Variants in PLPPR1 observed in about 807,000 individuals in gnomAD.
PLPPR1 encodes the protein phospholipid phosphatase-related protein type 1.
PLPPR1 carries 10 observed loss-of-function variants against 33.1 expected under a neutral mutation model. That is an observed-to-expected ratio of 0.30 (90% CI 0.19 to 0.51). The LOEUF (loss-of-function observed/expected upper bound fraction) is 0.51. Ranked by LOEUF, PLPPR1 falls within the 20% of genes least tolerant of loss-of-function variation. PLPPR1 has a pLI of 0.97. For missense variants in PLPPR1, 304 were observed against 408.1 expected (o/e 0.74, Z 2.20); for synonymous variants, 151 against 151.0 (o/e 1.00, Z 0.00).
At chr9:101,122,791 C>T (rs771327648) in intron 1 of PLPPR1, among the ~76,000 whole-genome samples, 1 of 152,204 alleles carries the variant, frequency 6.6e-6, no homozygotes, top group African/African-American at 2.4e-5. Flanking sequence ...GTACTTCCAT[C>T]TTCATTAACA....
chr9:101,309,403 G>A lies in PLPPR1; in HGVS notation c.578G>A (p.Arg193Gln), dbSNP rs1388171428. 2.5e-6 allele frequency: 4 copies of A among 1,613,768 alleles called. No individual in the cohort carries two copies. The highest frequency in any genetic ancestry group is 2.2e-5 in the South Asian group (2 of 91,072). ...TGDLEVIEKARRSFPSKHAAL... is the reference protein window; with the variant it reads ...TGDLEVIEKAQRSFPSKHAAL... Reference sequence around the variant, plus strand: ...GACCTGGAAGTGATAGAAAAGGCTCGGAGATCCTTTCCCTCCAAACACGCT... The same window carrying A: ...GACCTGGAAGTGATAGAAAAGGCTCAGAGATCCTTTCCCTCCAAACACGCT... The change falls in exon 5 of 8, where the codon CGG becomes CAG. Residue 193 changes from arginine (R) to glutamine (Q), a missense_variant. Transcript: ENST00000374874.
At chr9:101,186,010 A>G (rs1489448675) in intron 2 of PLPPR1, among the ~76,000 whole-genome samples, 1 of 151,792 alleles carries the variant, frequency 6.6e-6, no homozygotes, top group Admixed American at 6.6e-5. Context: ...ATAATCTTAG[A>G]GTTTACTATC....
At chr9:101,068,600 T>C (rs1345806768) in intron 1 of PLPPR1, among the ~76,000 whole-genome samples, 1 of 152,016 alleles carries the variant, frequency 6.6e-6, no homozygotes, top group Non-Finnish European at 1.5e-5. Context: ...AATGCTCTTA[T>C]TTTTCAAGGT....
At chr9:101,258,563 A>T (rs567702669) in intron 2 of PLPPR1, among the ~76,000 whole-genome samples, 1 of 152,294 alleles carries the variant, frequency 6.6e-6, no homozygotes, top group African/African-American at 2.4e-5. Context: ...GAGATCCTTG[A>T]TGGATTGCAT....
In PLPPR1 at chr9:101,117,580, A is replaced by T. The variant is rs182190527; in HGVS notation, c.-45-67870A>T. Among the ~76,000 whole-genome samples, 4 of 152,326 alleles carry T rather than the reference A, an allele frequency of 2.6e-5. No individual in the cohort carries two copies. In the East Asian group the frequency reaches 7.7e-4, roughly 29 times the overall value. On this transcript the variant is annotated intron_variant, in intron 1 of 7. Coordinates refer to ENST00000374874, the MANE Select transcript of PLPPR1 (RefSeq NM_207299.2). The stretch of plus-strand genomic sequence containing the variant: ...GAAATAACCATAAAAATGGGCAGCC[A>T]GCAGCCCATGCTGCTGCTCTGCCTA...
chr9:101,205,020 C>G lies in PLPPR1; in HGVS notation c.63+19463C>G, dbSNP rs73656186. On this transcript the variant is annotated intron_variant, in intron 2 of 7. Transcript: ENST00000374874. Reference sequence around the variant, plus strand: ...TTTTATTTTTGTACCCTTTAAGGTACTCATGTCTCAAAGTTTTAAGTCCCT... The same window carrying G: ...TTTTATTTTTGTACCCTTTAAGGTAGTCATGTCTCAAAGTTTTAAGTCCCT... Among the ~76,000 whole-genome samples the G allele has an allele frequency of 5.0e-3, 761 of 152,236 alleles. 10 individuals carry two copies. Among genetic ancestry groups the G allele is most frequent in the African/African-American group, 0.017 (726 of 41,524 alleles).
At chr9:101,136,866 A>C (rs1831384014) in intron 1 of PLPPR1, among the ~76,000 whole-genome samples, 1 of 152,208 alleles carries the variant, frequency 6.6e-6, no homozygotes, top group Non-Finnish European at 1.5e-5. Context: ...GGGTCTAAAA[A>C]TATAGTTACA....
At chr9:101,150,473 T>A (rs889665872) in intron 1 of PLPPR1, among the ~76,000 whole-genome samples, 4 of 152,218 alleles carry the variant, frequency 2.6e-5, no homozygotes, top group Admixed American at 2.6e-4. Flanking sequence ...AGAGAACAGT[T>A]AAATTGGAGC....
chr9:101,233,398 G>T (rs903500911), intron 2 of PLPPR1, among the ~76,000 whole-genome samples: 1 of 152,100 alleles, frequency 6.6e-6, no homozygotes, highest in Middle Eastern at 3.4e-3. Context: ...GAGCTCATCA[G>T]AAGGGTTGAT....
At chr9:101,226,616 T>C (rs1158086149) in intron 2 of PLPPR1, among the ~76,000 whole-genome samples, 1 of 152,028 alleles carries the variant, frequency 6.6e-6, no homozygotes, top group African/African-American at 2.4e-5. Context: ...GCTTGCTGGG[T>C]CTCTTTTATA....
chr9:101,233,575 G>T (rs1344099106), intron 2 of PLPPR1, among the ~76,000 whole-genome samples: 1 of 151,906 alleles, frequency 6.6e-6, no homozygotes, highest in Non-Finnish European at 1.5e-5. Flanking sequence ...GGCCATGAAG[G>T]CTCCACCTTC....
chr9:101,285,225 C>T (rs769063578), intron 3 of PLPPR1, among the ~76,000 whole-genome samples: 1 of 152,106 alleles, frequency 6.6e-6, no homozygotes, highest in Admixed American at 6.5e-5. Context: ...TTGTCTCTAC[C>T]AATTCCTTGT....
chr9:101,108,000 C>T (rs1232327106), intron 1 of PLPPR1, among the ~76,000 whole-genome samples: 1 of 149,306 alleles, frequency 6.7e-6, no homozygotes, highest in Non-Finnish European at 1.5e-5. Context: ...CCTCGCCCTG[C>T]TTCGGCTCGC....
At chr9:101,157,421 C>T (rs1234558714) in intron 1 of PLPPR1, among the ~76,000 whole-genome samples, 1 of 151,968 alleles carries the variant, frequency 6.6e-6, no homozygotes, top group Non-Finnish European at 1.5e-5. Flanking sequence ...TAAATATGTC[C>T]GGTTGGGTGG....
At chr9:101,169,102 T>C (rs1028031999) in intron 1 of PLPPR1, among the ~76,000 whole-genome samples, 2 of 152,188 alleles carry the variant, frequency 1.3e-5, no homozygotes, top group Non-Finnish European at 2.9e-5. Context: ...AACATATTCT[T>C]GGCCTATTTT....
intron 2 of PLPPR1, among the ~76,000 whole-genome samples, chr9:101,243,941 C>A (rs761390377): frequency 3.1e-4 from 47 of 151,618 alleles, no homozygotes; most frequent in Admixed American, 8.6e-4. Flanking sequence ...GATGGTAGAA[C>A]CCTGGAAAAC....
Position 101,053,287 on chromosome 9 carries a change from G to A in PLPPR1, c.-46+24185G>A, listed in dbSNP as rs574251923. On this transcript the variant is annotated intron_variant, in intron 1 of 7. Transcript: ENST00000374874. The stretch of plus-strand genomic sequence containing the variant: ...CCCGCTCACTTCCTTTCTTAATGTC[G>A]TCAAGCCCTCCATTACTTTACCTCC... Among the ~76,000 whole-genome samples, 8 of 152,148 alleles carry A rather than the reference G, an allele frequency of 5.3e-5. No homozygotes were observed. In the South Asian group the frequency reaches 6.2e-4, roughly 12 times the overall value.
intron 1 of PLPPR1, among the ~76,000 whole-genome samples, chr9:101,049,578 T>G (rs983035774): frequency 6.6e-6 from 1 of 152,172 alleles, no homozygotes; most frequent in Non-Finnish European, 1.5e-5. Context: ...TTGAGAAAAC[T>G]GAAGCAGACA....
rs146941051 is a variant in PLPPR1 at position 101,172,547 on chromosome 9, A to G, written c.-45-12903A>G. Among the ~76,000 whole-genome samples, 355 of 152,194 alleles carry G rather than the reference A, an allele frequency of 2.3e-3. 3 individuals carry two copies. The highest frequency in any genetic ancestry group is 7.6e-3 in the African/African-American group (316 of 41,538). ...TATTCTTGGCCCTGTGTAAACCCCT[A>G]TGATTACTTACTCTAATTCTCTTAG... On this transcript the variant is annotated intron_variant, in intron 1 of 7. Coordinates refer to ENST00000374874, the MANE Select transcript of PLPPR1 (RefSeq NM_207299.2).
Sources: allele counts gnomAD v4.1 joint callset (sites outside exome capture counted in the v4.1 genomes callset), GRCh38; gene constraint gnomAD v4.1.1; transcripts MANE v1.5; gene names NCBI Gene and HGNC (gene_info 2026-07-23, HGNC 2026-07-21).